The following NEB variants were observed in gnomAD, a reference collection of about 807,000 sequenced individuals.
The protein encoded by NEB is nemaline myopathy type 2.
In NEB, 512 loss-of-function variants were observed where a neutral mutation model predicts 952.2. That is an observed-to-expected ratio of 0.54 (90% CI 0.50 to 0.58). The LOEUF is 0.58. Ranked by LOEUF, NEB falls within the 20% of genes least tolerant of loss-of-function variation. NEB has a pLI of 0.00. For missense variants in NEB, 8,428 were observed against 9,231.1 expected, an observed-to-expected ratio of 0.91 and a Z score of 3.56; for synonymous variants, 2,900 against 3,149.8, an observed-to-expected ratio of 0.92 and a Z score of 2.66.
Position 151,609,923 on chromosome 2 carries a change from T to C in NEB, c.12216A>G (p.Lys4072=), listed in dbSNP as rs2097886048. Residue 4072 remains lysine, a synonymous_variant, in exon 81 of 182, where the codon AAA becomes AAG. Coordinates refer to ENST00000397345, the MANE Select transcript of NEB (RefSeq NM_001164508.2). ...CAATGTCAGTGACCAAAGTCTGACATTTCTTGGCCAGCAAGATGCTTAACA... is the reference window on the plus strand; with the variant it reads ...CAATGTCAGTGACCAAAGTCTGACACTTCTTGGCCAGCAAGATGCTTAACA... ...VDMLSILLAK[K]CQTLVTDIDY... is the part of the protein sequence containing the mutation. 1 of 1,613,894 alleles carries C rather than the reference T, an allele frequency of 6.2e-7. No individual in the cohort carries two copies. Among genetic ancestry groups the C allele is most frequent in the East Asian group, 2.2e-5 (1 of 44,860 alleles).
intron 23 of NEB, among the ~76,000 whole-genome samples, chr2:151,691,631 G>A (rs1440644681): frequency 3.3e-5 from 5 of 152,058 alleles, no homozygotes; most frequent in South Asian, 4.2e-4. Context: ...CCCCAAATTC[G>A]TGTAGATATA....
intron 68 of NEB, among the ~76,000 whole-genome samples, chr2:151,629,199 C>A (rs1449982223): frequency 6.6e-6 from 1 of 151,984 alleles, no homozygotes; most frequent in Non-Finnish European, 1.5e-5. Context: ...TTTTTAACAC[C>A]TCTTTTGCCA....
chr2:151,623,635 T>C (rs1468467481), intron 71 of NEB, among the ~76,000 whole-genome samples: 1 of 152,132 alleles, frequency 6.6e-6, no homozygotes, highest in Non-Finnish European at 1.5e-5. Context: ...CAGTTTATAG[T>C]CTTTTCAAGA....
intron 16 of NEB, 140 bp downstream of exon 16, chr2:151,697,008 A>T: frequency 3.0e-6 from 2 of 658,252 alleles, no homozygotes; most frequent in Non-Finnish European, 5.1e-6. Flanking sequence ...GGAAAATAGG[A>T]TGTTTACTAC....
chr2:151,535,339 T>G (rs759039911), intron 142 of NEB, among the ~76,000 whole-genome samples: 26 of 152,178 alleles, frequency 1.7e-4, no homozygotes, highest in Non-Finnish European at 3.8e-4. Context: ...GTCTTCCAAA[T>G]CTACACAATA....
At chr2:151,629,308 G>A (rs2098606182) in intron 68 of NEB, among the ~76,000 whole-genome samples, 1 of 152,078 alleles carries the variant, frequency 6.6e-6, no homozygotes, top group African/African-American at 2.4e-5. Context: ...ATTTTATACT[G>A]CATTGAAGTA....
chr2:151,665,997 G>C (rs1380706075), intron 41 of NEB, 93 bp downstream of exon 41: 1 of 1,279,410 alleles, frequency 7.8e-7, no homozygotes, highest in Non-Finnish European at 1.1e-6. Flanking sequence ...CTTAATTACA[G>C]TGAGTGCAGC....
In NEB at chr2:151,519,080, T is replaced by TG. The variant is rs754290375; in HGVS notation, c.22591-12dup. Reference sequence around the variant, plus strand: ...AGCCTTGTATTTAACCTGTGTGTTATGGGGGAAGAAAGGAAATCACGTAAA... The same window carrying TG: ...AGCCTTGTATTTAACCTGTGTGTTATGGGGGGAAGAAAGGAAATCACGTAAA... On this transcript the variant is annotated splice_polypyrimidine_tract_variant and intron_variant, in intron 154 of 181. Transcript: ENST00000397345. 9 of 1,556,308 alleles carry TG rather than the reference T, an allele frequency of 5.8e-6. No homozygotes were observed. The African/African-American group carries it at 1.2e-4, about 21-fold the overall frequency.
rs760791605 is a variant in NEB, at chr2:151,724,272, G to A, written c.600C>T (p.Ala200=). The A allele has an allele frequency of 3.7e-6, 6 of 1,612,406 alleles. No homozygotes were observed. Among genetic ancestry groups the A allele is most frequent in the South Asian group, 1.1e-5 (1 of 90,694 alleles). ...AGCAGACCCTTACCTTGCTGAACAT[G>A]GCGGTGTTCTTAACGGCCTGGACAA... The part of the protein sequence containing the change: ...PELVQAVKNT[A]MFSKKLYTED... The change falls in exon 8 of 182, where the codon GCC becomes GCT. Residue 200 remains alanine, a synonymous_variant. Coordinates refer to ENST00000397345, the MANE Select transcript of NEB (RefSeq NM_001164508.2).
chr2:151,620,335 ATGTATGTGTGTG>A (rs1411825465), intron 72 of NEB, among the ~76,000 whole-genome samples: 2 of 106,638 alleles, frequency 1.9e-5, no homozygotes, highest in Non-Finnish European at 3.6e-5. Flanking sequence ...TTATATATAT[ATGTATGTGTGTG>A]TATATATATA....
In NEB at chr2:151,639,865, T is replaced by C. The variant is rs748987521; in HGVS notation, c.8881A>G (p.Met2961Val). The C allele has an allele frequency of 6.2e-7, 1 of 1,612,922 alleles. No individual in the cohort carries two copies. The highest frequency in any genetic ancestry group is 2.2e-5 in the East Asian group (1 of 44,844). ...QVLAKNNAIT[M>V]NKRLYTEAWD... ...TAATTTTGAAGTCTCACCTTGTTCA[T>C]AGTGATGGCATTATTTTTGGCCAAC... The change falls in exon 62 of 182, where the codon ATG becomes GTG. Residue 2961 changes from methionine (M) to valine (V), a missense_variant. Physicochemically the swap from Met to Val is conservative, Grantham distance 21. Around this residue, in one of 11 missense-constraint regions of NEB, gnomAD observed 1,772 missense variants for 1,960.3 expected, o/e 0.90. Coordinates refer to ENST00000397345, the MANE Select transcript of NEB (RefSeq NM_001164508.2).
Position 151,537,187 on chromosome 2 carries a change from G to C in NEB, c.21152C>G (p.Ala7051Gly). 6.2e-7 allele frequency: 1 copy of C among 1,613,138 alleles called. No homozygotes were observed. Among genetic ancestry groups the C allele is most frequent in the Non-Finnish European group, 8.5e-7 (1 of 1,179,420 alleles). ...CAGAGTGAAATCAGGGGTATCATAG[G>C]CATAGCAACCAATGCCTTTAAGCCA... Reference protein sequence around the residue: ...LTWLKGIGCYAYDTPDFTLAE... With the variant: ...LTWLKGIGCYGYDTPDFTLAE... Residue 7051 changes from alanine (A) to glycine (G), a missense_variant, in exon 141 of 182, where the codon GCC (alanine) becomes GGC (glycine). By Grantham distance (60) the Ala-to-Gly change is moderately conservative. This residue lies in a region of NEB where 3,374 missense variants were observed against 3,651.5 expected (regional missense o/e 0.92). Transcript: ENST00000397345.
At chr2:151,560,956 A>AG in intron 123 of NEB, 48 bp downstream of exon 123, 2 of 1,158,488 alleles carry the variant, frequency 1.7e-6, no homozygotes, top group Non-Finnish European at 2.5e-6. Context: ...CTGTCCCAGA[A>AG]GGGGGAAAGG....
At chr2:151,543,309 AG>A (rs2094318142) in intron 135 of NEB, among the ~76,000 whole-genome samples, 1 of 152,250 alleles carries the variant, frequency 6.6e-6, no homozygotes, top group Non-Finnish European at 1.5e-5. Flanking sequence ...TAAGAAACAC[AG>A]GCACACACAT....
intron 147 of NEB, 86 bp downstream of exon 147, chr2:151,527,395 A>G: frequency 9.1e-7 from 1 of 1,098,594 alleles, no homozygotes; most frequent in Non-Finnish European, 1.3e-6. Flanking sequence ...GTTAACACTC[A>G]TGATAGTGGT....
chr2:151,610,842 C>T lies in NEB; in HGVS notation c.11830G>A (p.Ala3944Thr). ...ATCACGTGGATGGAGGTTTTGTCAG[C>T]ATCCCAAGCTTCTGTGTATAAATGC... Reference protein sequence around the residue: ...SKHLYTEAWDADKTSIHVMPD... With the variant: ...SKHLYTEAWDTDKTSIHVMPD... Residue 3944 changes from alanine (A) to threonine (T), a missense_variant, in exon 79 of 182, where the codon GCT becomes ACT. Ala to Thr is a moderately conservative substitution (Grantham distance 58). Transcript: ENST00000397345. The T allele has an allele frequency of 6.3e-7, 1 of 1,598,836 alleles. No individual in the cohort carries two copies. Among genetic ancestry groups the T allele is most frequent in the Non-Finnish European group, 8.5e-7 (1 of 1,171,928 alleles).
At chr2:151,715,712 C>T (rs111486883) in intron 10 of NEB, among the ~76,000 whole-genome samples, 47 of 152,330 alleles carry the variant, frequency 3.1e-4, no homozygotes, top group African/African-American at 1.0e-3. Flanking sequence ...AGAAAATAAA[C>T]GTCTATTGTT....
intron 70 of NEB, among the ~76,000 whole-genome samples, chr2:151,626,677 C>T (rs565070678): frequency 3.3e-5 from 5 of 152,176 alleles, no homozygotes; most frequent in African/African-American, 9.6e-5. Context: ...GCTGGGACTA[C>T]AGGCGTCTGC....
At chr2:151,653,903 G>A (rs2099058489) in intron 52 of NEB, 89 bp downstream of exon 52, 4 of 794,548 alleles carry the variant, frequency 5.0e-6, no homozygotes, top group Non-Finnish European at 8.5e-6. Context: ...ATTTTGAAAG[G>A]TAAAGACTAT....
Sources: gnomAD v4.1 joint callset for allele counts (sites outside exome capture counted in the v4.1 genomes callset) on GRCh38, gnomAD v4.1.1 for gene constraint, gnomAD v4.1.1 regional missense constraint, MANE v1.5 for transcripts, NCBI Gene and HGNC (gene_info 2026-07-23, HGNC 2026-07-21) for gene names.